The following C10orf90 variants were observed in gnomAD, a reference collection of about 807,000 sequenced individuals.
C10orf90 encodes chromosome 10 open reading frame 90.
C10orf90 carries 56 observed loss-of-function variants against 62.5 expected under a neutral mutation model. That is an observed-to-expected ratio of 0.90 (90% confidence interval 0.72 to 1.12). The LOEUF is 1.12. C10orf90 is among the 50% of genes most tolerant of loss of function. The pLI is 0.00. For synonymous variants in C10orf90, 386 were observed against 340.4 expected (o/e 1.13, Z -1.47); for missense variants, 970 against 880.4 (o/e 1.10, Z -1.29).
chr10:126,514,153 G>A (rs892628782), intron 2 of C10orf90, among the ~76,000 whole-genome samples: 8 of 152,116 alleles, frequency 5.3e-5, no homozygotes, highest in African/African-American at 1.7e-4. Context: ...TTATTCAGCT[G>A]CAAGATTTCT....
intron 1 of C10orf90, among the ~76,000 whole-genome samples, chr10:126,666,020 T>G (rs962124923): frequency 6.6e-6 from 1 of 152,168 alleles, no homozygotes; most frequent in African/African-American, 2.4e-5. Context: ...TTGTCACACA[T>G]GAGACATCAG....
chr10:126,655,250 G>A (rs767221724), intron 1 of C10orf90, among the ~76,000 whole-genome samples: 6 of 152,174 alleles, frequency 3.9e-5, no homozygotes, highest in Admixed American at 2.0e-4. Context: ...CCCAGGAGGC[G>A]GAGGTGGCAG....
intron 1 of C10orf90, among the ~76,000 whole-genome samples, chr10:126,651,563 C>T (rs1846291638): frequency 6.6e-6 from 1 of 152,036 alleles, no homozygotes; most frequent in South Asian, 2.1e-4. Flanking sequence ...GATGAATACT[C>T]ATCGCCAGCT....
At chr10:126,474,679 C>T (rs959648013) in intron 4 of C10orf90, among the ~76,000 whole-genome samples, 1 of 152,170 alleles carries the variant, frequency 6.6e-6, no homozygotes, top group Non-Finnish European at 1.5e-5. Flanking sequence ...CACCAAACAT[C>T]GGTCATATCA....
At chr10:126,508,170 AG>A (rs1862879246) in intron 3 of C10orf90, among the ~76,000 whole-genome samples, 4 of 151,642 alleles carry the variant, frequency 2.6e-5, no homozygotes, top group East Asian at 1.9e-4. Flanking sequence ...AGAGAGAGAG[AG>A]AGAGAGAGAG....
intron 7 of C10orf90, among the ~76,000 whole-genome samples, chr10:126,448,469 A>G (rs985890337): frequency 1.3e-5 from 2 of 152,164 alleles, no homozygotes; most frequent in African/African-American, 4.8e-5. Flanking sequence ...TCAAGGGACT[A>G]ATCAAGAACT....
chr10:126,542,538 A>T (rs12250149), intron 2 of C10orf90, among the ~76,000 whole-genome samples: 4,224 of 152,194 alleles, frequency 0.028, 194 homozygotes, highest in African/African-American at 0.095. Flanking sequence ...ACTTTTTTTA[A>T]AAAAAGGTTT....
intron 3 of C10orf90, among the ~76,000 whole-genome samples, chr10:126,506,351 G>A (rs953841376): frequency 3.3e-5 from 5 of 152,226 alleles, no homozygotes; most frequent in Admixed American, 2.0e-4. Flanking sequence ...AGGCTAACAG[G>A]GTCCTGGCCC....
chr10:126,579,172 G>A (rs1234236297), intron 2 of C10orf90, among the ~76,000 whole-genome samples: 1 of 152,054 alleles, frequency 6.6e-6, no homozygotes, highest in Non-Finnish European at 1.5e-5. Flanking sequence ...TACAGAAGCA[G>A]GGGCCACCAG....
chr10:126,630,103 G>A lies in C10orf90; in HGVS notation c.313+16462C>T, dbSNP rs78925558. On this transcript the variant is annotated intron_variant, in intron 2 of 9. Transcript: ENST00000488181. ...TGCACTGCATGCAAGGCCTGGTGCC[G>A]GCAGGACCATATTTCATCTTCTTGA... is the stretch of plus-strand genomic sequence containing the variant. Among the ~76,000 whole-genome samples the A allele has an allele frequency of 3.6e-3, 541 of 152,268 alleles. 8 individuals are homozygous for A. The highest frequency in any genetic ancestry group is 0.012 in the African/African-American group (494 of 41,556).
At chr10:126,465,740 AT>A (rs1860250303) in intron 4 of C10orf90, among the ~76,000 whole-genome samples, 1 of 152,232 alleles carries the variant, frequency 6.6e-6, no homozygotes, top group Non-Finnish European at 1.5e-5. Context: ...GAACCACCCT[AT>A]GTCCATTGAT....
intron 2 of C10orf90, among the ~76,000 whole-genome samples, chr10:126,529,871 A>G (rs1204601894): frequency 1.3e-5 from 2 of 152,220 alleles, no homozygotes; most frequent in Non-Finnish European, 2.9e-5. Flanking sequence ...ATCAAAATCT[A>G]ATACTGCATT....
At chr10:126,619,613 T>A (rs1845607397) in intron 2 of C10orf90, among the ~76,000 whole-genome samples, 2 of 152,216 alleles carry the variant, frequency 1.3e-5, no homozygotes, top group Non-Finnish European at 2.9e-5. Flanking sequence ...TTGGCACTTT[T>A]AAAAACTTGG....
Position 126,621,625 on chromosome 10 carries a change from TG to T in C10orf90, c.313+24939del, listed in dbSNP as rs199582419. On this transcript the variant is annotated intron_variant, in intron 2 of 9. Coordinates refer to ENST00000488181, the MANE Select transcript of C10orf90 (RefSeq NM_001350921.2). ...AAATGTTGATTGTTTATTATGATAA[TG>T]ATGACATATGGTATATTTATTTTTA... 6.5e-4 allele frequency among the ~76,000 whole-genome samples: 99 copies of T among 152,352 alleles called. 2 individuals carry two copies. The East Asian group carries it at 0.018, about 28-fold the overall frequency.
intron 2 of C10orf90, among the ~76,000 whole-genome samples, chr10:126,613,509 G>T (rs552599351): frequency 6.6e-6 from 1 of 152,298 alleles, no homozygotes; most frequent in South Asian, 2.1e-4. Context: ...GCCTCCCAAA[G>T]TGCTGGGATT....
At chr10:126,665,716 G>A (rs566673496) in intron 1 of C10orf90, among the ~76,000 whole-genome samples, 22 of 152,276 alleles carry the variant, frequency 1.4e-4, no homozygotes, top group African/African-American at 5.3e-4. Flanking sequence ...CAGTGTCCAG[G>A]CTGCAGCTTA....
At chr10:126,487,165 A>AAG (rs1861485716) in intron 4 of C10orf90, among the ~76,000 whole-genome samples, 1 of 143,908 alleles carries the variant, frequency 6.9e-6, no homozygotes, top group South Asian at 2.2e-4. Context: ...AAAAAAAAAA[A>AAG]AAAGAAAGAA....
chr10:126,569,766 A>G (rs918016404), intron 2 of C10orf90, among the ~76,000 whole-genome samples: 1 of 152,138 alleles, frequency 6.6e-6, no homozygotes, highest in African/African-American at 2.4e-5. Flanking sequence ...AGAATAGCCA[A>G]CCAAAACATG....
At chr10:126,552,593 C>G (rs1024187844) in intron 2 of C10orf90, among the ~76,000 whole-genome samples, 20 of 152,146 alleles carry the variant, frequency 1.3e-4, no homozygotes, top group African/African-American at 4.8e-4. Flanking sequence ...AGGATACTCA[C>G]CCAAGATGCT....
Sources: gnomAD v4.1 joint callset for allele counts (sites outside exome capture counted in the v4.1 genomes callset) on GRCh38, gnomAD v4.1.1 for gene constraint, MANE v1.5 for transcripts, NCBI Gene and HGNC (gene_info 2026-07-23, HGNC 2026-07-21) for gene names.